The following NUDT3 variants were observed in gnomAD, a reference collection of about 807,000 sequenced individuals.
NUDT3 encodes diphosphoinositol polyphosphate phosphohydrolase 1.
A neutral mutation model predicts 23.6 loss-of-function variants in NUDT3; 9 were observed. The ratio of observed to expected loss-of-function variants is 0.38; its 90% CI spans 0.23 to 0.66. The LOEUF (loss-of-function observed/expected upper bound fraction) is 0.66. NUDT3 is among the 30% of genes least tolerant of loss of function. The probability of loss-of-function intolerance (pLI) is 0.52; values close to 1 mark genes in which losing one functional copy is unlikely to be tolerated. For synonymous variants in NUDT3, 86 were observed against 82.6 expected, an observed-to-expected ratio of 1.04 and a Z score of -0.22; for missense variants, 172 against 218.5, an observed-to-expected ratio of 0.79 and a Z score of 1.34.
At chr6:34,352,549 A>T (rs1764494077) in intron 1 of NUDT3, among the ~76,000 whole-genome samples, 1 of 152,162 alleles carries the variant, frequency 6.6e-6, no homozygotes, top group Non-Finnish European at 1.5e-5. Flanking sequence ...ACAGTCTTAG[A>T]ACTACAGGAA....
At chr6:34,372,522 G>C (rs1764847767) in intron 1 of NUDT3, among the ~76,000 whole-genome samples, 1 of 151,960 alleles carries the variant, frequency 6.6e-6, no homozygotes. Context: ...AGTGTACTTT[G>C]TGTCAGGTGC....
intron 1 of NUDT3, 34 bp from the exon 2 acceptor site, chr6:34,342,006 A>C: frequency 6.3e-7 from 1 of 1,590,982 alleles, no homozygotes; most frequent in Non-Finnish European, 8.6e-7. Context: ...GGGGGGGTTA[A>C]AAATTCAAAG....
At position 34,348,692 on chromosome 6, in the gene NUDT3, T is replaced by C. The variant is rs202144197; in HGVS notation, c.100-6720A>G. Among the ~76,000 whole-genome samples the C allele has an allele frequency of 9.4e-4, 143 of 151,660 alleles. No individual in the cohort carries two copies. The East Asian group carries it at 0.011, about 11-fold the overall frequency. The stretch of plus-strand genomic sequence containing the variant: ...TCAGGAGGCTGAGGCAGGAGAATGG[T>C]GTGAACCCGGGAGGCGGAGCTTGCA... On this transcript the variant is annotated intron_variant, in intron 1 of 4. Transcript: ENST00000607016.
chr6:34,307,347 G>C (rs1012213973), intron 2 of NUDT3, among the ~76,000 whole-genome samples: 1 of 152,188 alleles, frequency 6.6e-6, no homozygotes, highest in African/African-American at 2.4e-5. Context: ...TGGAGGTCGA[G>C]GCAAGACGAT....
In NUDT3 at chr6:34,378,785, C is replaced by T. The variant is rs117166592; in HGVS notation, c.99+13479G>A. 9.2e-3 allele frequency among the ~76,000 whole-genome samples: 1,399 copies of T among 152,324 alleles called. 15 individuals carry two copies. The highest frequency in any genetic ancestry group is 0.024 in the Middle Eastern group (7 of 294). On this transcript the variant is annotated intron_variant, in intron 1 of 4. Coordinates refer to ENST00000607016, the MANE Select transcript of NUDT3 (RefSeq NM_006703.4). ...AGCTAGGTGGAGGATGGGTCCCTCC[C>T]TCTCTCCAAGAAGGGCATTCTCCAA...
chr6:34,386,530 C>A (rs940024852), intron 1 of NUDT3, among the ~76,000 whole-genome samples: 5 of 152,048 alleles, frequency 3.3e-5, no homozygotes, highest in Non-Finnish European at 7.4e-5. Flanking sequence ...TAACCTGGAT[C>A]AGAATTTCAG....
chr6:34,364,457 T>A (rs1449638743), intron 1 of NUDT3, among the ~76,000 whole-genome samples: 2 of 152,166 alleles, frequency 1.3e-5, no homozygotes, highest in Non-Finnish European at 1.5e-5. Flanking sequence ...AAAATACAAG[T>A]GCTACTGACA....
intron 1 of NUDT3, among the ~76,000 whole-genome samples, chr6:34,385,225 G>C (rs1445008774): frequency 6.6e-6 from 1 of 152,146 alleles, no homozygotes; most frequent in Non-Finnish European, 1.5e-5. Context: ...GGGAGGCCAA[G>C]AAGGGAGGAT....
chr6:34,339,332 G>C (rs1381281395), intron 2 of NUDT3, among the ~76,000 whole-genome samples: 1 of 152,176 alleles, frequency 6.6e-6, no homozygotes, highest in Non-Finnish European at 1.5e-5. Flanking sequence ...GTATTGGAAT[G>C]GGTGTGGAGA....
chr6:34,297,474 G>A (rs1047863831), intron 2 of NUDT3, among the ~76,000 whole-genome samples: 4 of 151,546 alleles, frequency 2.6e-5, no homozygotes, highest in Non-Finnish European at 5.9e-5. Context: ...CCTGCCACAA[G>A]CCTCCACTGA....
chr6:34,347,854 C>A (rs1053838145), intron 1 of NUDT3, among the ~76,000 whole-genome samples: 6 of 151,952 alleles, frequency 3.9e-5, no homozygotes, highest in African/African-American at 1.5e-4. Context: ...CCTGCCCGGA[C>A]GTACTGGCTC....
intron 4 of NUDT3, among the ~76,000 whole-genome samples, chr6:34,292,136 C>G (rs1029906193): frequency 6.6e-6 from 1 of 152,178 alleles, no homozygotes; most frequent in Non-Finnish European, 1.5e-5. Flanking sequence ...ACCACACATC[C>G]ACCGCAGTCT....
chr6:34,290,061 C>T lies in NUDT3; in HGVS notation c.341-1130G>A, dbSNP rs527449622. On this transcript the variant is annotated intron_variant, in intron 4 of 4. Coordinates refer to ENST00000607016, the MANE Select transcript of NUDT3 (RefSeq NM_006703.4). ...AGCCTCAGGTAGCTGTGTTCCTGCT[C>T]CATTTTCCTCATCTATAAAACAGAC... Among the ~76,000 whole-genome samples, 3 of 152,214 alleles carry T rather than the reference C, an allele frequency of 2.0e-5. No individual in the cohort carries two copies. The East Asian group carries it at 5.8e-4, about 29-fold the overall frequency.
At chr6:34,342,032 T>C in intron 1 of NUDT3, 60 bp from the exon 2 acceptor site, 1 of 1,492,880 alleles carries the variant, frequency 6.7e-7, no homozygotes, top group African/African-American at 1.4e-5. Flanking sequence ...TCCACACAAA[T>C]TCAGAGTTTA....
chr6:34,350,462 T>G lies in NUDT3; in HGVS notation c.100-8490A>C, dbSNP rs543811190. On this transcript the variant is annotated intron_variant, in intron 1 of 4. Coordinates refer to ENST00000607016, the MANE Select transcript of NUDT3 (RefSeq NM_006703.4). ...AGTAATTATCTGTACTTGTTTGGATTCCAGATAAATGGACGTATACTATAT... is the reference window on the plus strand; with the variant it reads ...AGTAATTATCTGTACTTGTTTGGATGCCAGATAAATGGACGTATACTATAT... Among the ~76,000 whole-genome samples, 254 of 151,054 alleles carry G rather than the reference T, an allele frequency of 1.7e-3. 6 individuals carry two copies. The highest frequency in any genetic ancestry group is 3.2e-3 in the Non-Finnish European group (217 of 67,846).
intron 1 of NUDT3, among the ~76,000 whole-genome samples, chr6:34,358,443 G>A: frequency 6.6e-6 from 1 of 152,092 alleles, no homozygotes; most frequent in South Asian, 2.1e-4. Flanking sequence ...CCTTATCTAT[G>A]TCTTAAGTTT....
chr6:34,361,961 A>G (rs889459925), intron 1 of NUDT3, among the ~76,000 whole-genome samples: 5 of 152,206 alleles, frequency 3.3e-5, no homozygotes, highest in African/African-American at 1.2e-4. Flanking sequence ...GTACACCAGC[A>G]AGAGAGAACT....
intron 1 of NUDT3, among the ~76,000 whole-genome samples, chr6:34,362,342 C>A (rs1764663733): frequency 1.3e-5 from 2 of 151,954 alleles, no homozygotes; most frequent in South Asian, 4.1e-4. Flanking sequence ...CCACACCTGG[C>A]TAATTTTATT....
At chr6:34,309,304 T>C (rs1763732158) in intron 2 of NUDT3, among the ~76,000 whole-genome samples, 1 of 152,174 alleles carries the variant, frequency 6.6e-6, no homozygotes, top group South Asian at 2.1e-4. Flanking sequence ...CACTTCTAAA[T>C]AACATATGAA....
Sources: gnomAD v4.1 joint callset for allele counts (sites outside exome capture counted in the v4.1 genomes callset) on GRCh38, gnomAD v4.1.1 for gene constraint, MANE v1.5 for transcripts, NCBI Gene and HGNC (gene_info 2026-07-23, HGNC 2026-07-21) for gene names.